MEGF6: variants seen among roughly 807,000 people sequenced by gnomAD.
MEGF6 encodes the protein multiple EGF like domains 6.
A neutral mutation model predicts 207.1 loss-of-function variants in MEGF6; 184 were observed. The ratio of observed to expected loss-of-function variants is 0.89; its 90% CI spans 0.79 to 1.00. The LOEUF is 1.00. Among genes scored for constraint, MEGF6 ranks in the 50% least tolerant of loss-of-function variants. The pLI, the probability that MEGF6 is intolerant of heterozygous loss-of-function variation, is 0.00. For synonymous variants in MEGF6, 1,038 were observed against 910.0 expected (o/e 1.14, Z -2.53); for missense variants, 2,282 against 2,202.9 (o/e 1.04, Z -0.72).
chr1:3,522,268 G>C lies in MEGF6; in HGVS notation c.604+1856C>G, dbSNP rs375338648. Among the ~76,000 whole-genome samples the C allele has an allele frequency of 3.3e-5, 5 of 152,252 alleles. No homozygotes were observed. In the East Asian group the frequency reaches 5.8e-4, roughly 18 times the overall value. ...TGGCACGCAGGCGAGAGTCTCACCT[G>C]GGCCCTCCATGGGGTGAGGAAGCCA... On this transcript the variant is annotated intron_variant, in intron 5 of 36. Coordinates refer to ENST00000356575, the MANE Select transcript of MEGF6 (RefSeq NM_001409.4).
intron 4 of MEGF6, chr1:3,531,007 A>T: frequency 7.1e-7 from 1 of 1,413,628 alleles, no homozygotes; most frequent in South Asian, 1.5e-5. Context: ...AACTTTAAAA[A>T]CAGGAAACAA....
chr1:3,534,895 G>C (rs1332121212), intron 4 of MEGF6, among the ~76,000 whole-genome samples: 1 of 152,082 alleles, frequency 6.6e-6, no homozygotes, highest in Admixed American at 6.5e-5. Context: ...CATTCCCCTT[G>C]GGGCTGCCAT....
At chr1:3,559,095 C>T (rs1473808359) in intron 4 of MEGF6, among the ~76,000 whole-genome samples, 1 of 152,198 alleles carries the variant, frequency 6.6e-6, no homozygotes, top group Non-Finnish European at 1.5e-5. Context: ...CTCCATCACT[C>T]ATCCCCTCCC....
chr1:3,589,236 G>A (rs1017866079), intron 3 of MEGF6, among the ~76,000 whole-genome samples: 1 of 152,176 alleles, frequency 6.6e-6, no homozygotes, highest in Non-Finnish European at 1.5e-5. Flanking sequence ...AGCCTCAGGA[G>A]CAGGCACAGC....
chr1:3,560,762 T>G lies in MEGF6; in HGVS notation c.481+19063A>C. 4.2e-6 allele frequency: 2 copies of G among 472,672 alleles called. No individual in the cohort carries two copies. Among genetic ancestry groups the G allele is most frequent in the South Asian group, 3.1e-5 (2 of 64,008 alleles). The allele number at this position is 472,672 out of a possible 1,614,324, so 29.3% of individuals were successfully genotyped here. ...ACGGTCAGACTGGCCCCACCCACTC[T>G]GGATTTCCAGGGTCACCCGGCAGTC... On this transcript the variant is annotated intron_variant, in intron 4 of 36. Transcript: ENST00000356575. This position sits in a 1 kb window ranked among gnomAD's most constrained non-coding sequence, Gnocchi z 4.0.
In MEGF6 at chr1:3,531,048, G is replaced by A. The variant is rs1166727714; in HGVS notation, c.482-6802C>T. 9.2e-6 allele frequency: 12 copies of A among 1,297,456 alleles called. No individual in the cohort carries two copies. The Admixed American group carries it at 1.9e-4, about 21-fold the overall frequency. 80.4% of individuals were successfully genotyped at this position (1,297,456 alleles called of 1,614,324 possible). A position where few individuals can be genotyped will look rare whatever the true frequency, so the allele number is the denominator to read the frequency against. ...GCGCGCCGGGGAGCGCCCTGGCCCC[G>A]CCCGCCCTGCCCAGGCTCGCCCGGC... On this transcript the variant is annotated intron_variant, in intron 4 of 36. Coordinates refer to ENST00000356575, the MANE Select transcript of MEGF6 (RefSeq NM_001409.4).
At chr1:3,528,250 G>A (rs1246504839) in intron 4 of MEGF6, among the ~76,000 whole-genome samples, 1 of 152,150 alleles carries the variant, frequency 6.6e-6, no homozygotes. Flanking sequence ...CCCCTTAATA[G>A]AAATGATTTT....
chr1:3,511,128 C>T (rs1264841478), intron 9 of MEGF6, among the ~76,000 whole-genome samples: 1 of 152,260 alleles, frequency 6.6e-6, no homozygotes, highest in Non-Finnish European at 1.5e-5. Flanking sequence ...CGCATATGTG[C>T]ACACACAGGA....
chr1:3,581,818 TCC>T (rs1643803709), intron 3 of MEGF6, among the ~76,000 whole-genome samples: 1 of 151,910 alleles, frequency 6.6e-6, no homozygotes, highest in African/African-American at 2.4e-5. Flanking sequence ...GCCTCCCTCC[TCC>T]CACCCTGTTT....
chr1:3,542,255 C>A (rs2101520077), intron 4 of MEGF6, among the ~76,000 whole-genome samples: 1 of 152,396 alleles, frequency 6.6e-6, no homozygotes, highest in South Asian at 2.1e-4. Flanking sequence ...AAAGGCAGCA[C>A]TGCTTCCTCC....
At chr1:3,568,688 G>A (rs114332395) in intron 4 of MEGF6, among the ~76,000 whole-genome samples, 1,781 of 152,130 alleles carry the variant, frequency 0.012, 38 homozygotes, top group African/African-American at 0.04. Flanking sequence ...TGACCTTGCC[G>A]GCCAGCCCTT....
intron 4 of MEGF6, among the ~76,000 whole-genome samples, chr1:3,536,575 G>A (rs746922662): frequency 7.2e-5 from 11 of 152,152 alleles, no homozygotes; most frequent in Non-Finnish European, 7.4e-5. Flanking sequence ...ACTCAGTGCC[G>A]CCACCGAGCA....
chr1:3,619,709 C>T, the MEGF6 span, among the ~76,000 whole-genome samples: 2 of 150,552 alleles, frequency 1.3e-5, no homozygotes. Flanking sequence ...GTCAATTGAA[C>T]CTCTTTCCTT....
chr1:3,496,514 C>G (rs1640611507), intron 29 of MEGF6, 141 bp downstream of exon 29: 2 of 1,271,226 alleles, frequency 1.6e-6, no homozygotes, highest in African/African-American at 1.5e-5. Context: ...TCTGGCTTAG[C>G]CCCACTTGGG....
intron 4 of MEGF6, among the ~76,000 whole-genome samples, chr1:3,555,301 T>C (rs1256844981): frequency 6.6e-6 from 1 of 151,996 alleles, no homozygotes; most frequent in Non-Finnish European, 1.5e-5. Flanking sequence ...CCACCCACGC[T>C]CAGCTGGAAG....
chr1:3,551,808 C>G (rs1290289593), intron 4 of MEGF6, among the ~76,000 whole-genome samples: 1 of 152,202 alleles, frequency 6.6e-6, no homozygotes, highest in Admixed American at 6.5e-5. Context: ...AAACCAGCCA[C>G]TCAGGTGATC....
intron 4 of MEGF6, among the ~76,000 whole-genome samples, chr1:3,555,199 C>T (rs920333266): frequency 1.0e-4 from 12 of 117,200 alleles, no homozygotes; most frequent in Non-Finnish European, 1.6e-4. Context: ...GGATCAGGGC[C>T]GAGAAGGGGC....
In MEGF6 at chr1:3,573,587, A is replaced by G. The variant is rs6424084; in HGVS notation, c.481+6238T>C. 0.12 allele frequency among the ~76,000 whole-genome samples: 18,901 copies of G among 152,236 alleles called. 2,695 individuals carry two copies. Among genetic ancestry groups the G allele is most frequent in the African/African-American group, 0.35 (14,622 of 41,494 alleles). On this transcript the variant is annotated intron_variant, in intron 4 of 36. Transcript: ENST00000356575. The surrounding 1 kb of genome is among the most constrained non-coding windows in gnomAD (Gnocchi z 5.1). ...AGGTCCCATGGCAGGGAGCAGGACC[A>G]GAGACAGCCCCAGCTCCAGCTCCAG...
chr1:3,562,726 T>G (rs1363727074), intron 4 of MEGF6, among the ~76,000 whole-genome samples: 1 of 152,108 alleles, frequency 6.6e-6, no homozygotes, highest in East Asian at 1.9e-4. Context: ...CCCTCACATC[T>G]CTCCGGTCTG....
Sources: allele counts gnomAD v4.1 joint callset (sites outside exome capture counted in the v4.1 genomes callset), GRCh38; gene constraint gnomAD v4.1.1; non-coding constraint Gnocchi (gnomAD v3.1); transcripts MANE v1.5; gene names NCBI Gene and HGNC (gene_info 2026-07-23, HGNC 2026-07-21).